Variants in TBCA observed in about 807,000 individuals in gnomAD.
TBCA encodes the protein tubulin-specific chaperone A.
A neutral mutation model predicts 15.8 loss-of-function variants in TBCA; 6 were observed. The observed-to-expected ratio is 0.38, with a 90% CI of 0.21 to 0.75. The LOEUF (loss-of-function observed/expected upper bound fraction) is 0.75. Ranked by LOEUF, TBCA falls within the 30% of genes least tolerant of loss-of-function variation. TBCA has a pLI of 0.46. For synonymous variants in TBCA, 32 were observed against 42.3 expected, an observed-to-expected ratio of 0.76 and a Z score of 0.94; for missense variants, 90 against 131.2, an observed-to-expected ratio of 0.69 and a Z score of 1.53.
At chr5:77,714,345 C>T (rs1319617033) in intron 1 of TBCA, among the ~76,000 whole-genome samples, 2 of 151,678 alleles carry the variant, frequency 1.3e-5, no homozygotes, top group Non-Finnish European at 2.9e-5. Context: ...AAAAGAATTT[C>T]CAGAGCTCCA....
intron 3 of TBCA, chr5:77,692,603 C>G (rs1381447774): frequency 2.0e-6 from 2 of 985,244 alleles, no homozygotes; most frequent in African/African-American, 1.7e-5. Flanking sequence ...TATTTTTTTC[C>G]AAGCAATTTC....
At chr5:77,772,053 G>C (rs1319468141) in intron 1 of TBCA, among the ~76,000 whole-genome samples, 1 of 151,072 alleles carries the variant, frequency 6.6e-6, no homozygotes, top group East Asian at 1.9e-4. Flanking sequence ...ATTTAAAATA[G>C]TGTCGAGGAT....
At position 77,708,334 on chromosome 5, in the gene TBCA, T is replaced by G; in HGVS notation, c.67A>C (p.Lys23Gln). The part of the protein sequence containing the change: ...TGVVKRLVKE[K>Q]VMYEKEAKQQ... ...TTTGCCTCTTTTTCATACATCACTT[T>G]TTCTTTGACCAACCTATAAAAAAGC... is the stretch of plus-strand genomic sequence containing the variant. Residue 23 changes from lysine (K) to glutamine (Q), a missense_variant, in exon 2 of 4, where the codon AAA becomes CAA. By Grantham distance (53) the Lys-to-Gln change is moderately conservative (BLOSUM62 1). Transcript: ENST00000380377. 1.2e-6 allele frequency: 2 copies of G among 1,609,728 alleles called. No homozygotes were observed. Among genetic ancestry groups the G allele is most frequent in the Non-Finnish European group, 1.7e-6 (2 of 1,177,518 alleles).
intron 1 of TBCA, among the ~76,000 whole-genome samples, chr5:77,743,932 A>T (rs1194293448): frequency 6.6e-6 from 1 of 152,224 alleles, no homozygotes; most frequent in African/African-American, 2.4e-5. Flanking sequence ...TGGAAGATCC[A>T]AAGAGGCAAT....
chr5:77,705,716 T>C (rs1746135069), intron 2 of TBCA: 1 of 395,102 alleles, frequency 2.5e-6, no homozygotes, highest in East Asian at 3.6e-5. Flanking sequence ...TAGTCCCAGC[T>C]ACTCTGGAGG....
At chr5:77,726,263 T>C (rs1040719719) in intron 1 of TBCA, among the ~76,000 whole-genome samples, 2 of 152,232 alleles carry the variant, frequency 1.3e-5, no homozygotes, top group South Asian at 2.1e-4. Flanking sequence ...ACACTGTGAC[T>C]GCAGGTCTTG....
chr5:77,771,681 C>A (rs1449967868), intron 1 of TBCA, among the ~76,000 whole-genome samples: 2 of 152,184 alleles, frequency 1.3e-5, no homozygotes, highest in Non-Finnish European at 2.9e-5. Context: ...ATCTCCTACA[C>A]GCCAAATACC....
chr5:77,720,679 A>C (rs1399991060), intron 1 of TBCA, among the ~76,000 whole-genome samples: 1 of 152,152 alleles, frequency 6.6e-6, no homozygotes, highest in East Asian at 1.9e-4. Context: ...ACATCGCTGC[A>C]CTCCAGCCTG....
At chr5:77,752,471 C>G (rs1224378763) in intron 1 of TBCA, among the ~76,000 whole-genome samples, 8 of 152,160 alleles carry the variant, frequency 5.3e-5, no homozygotes, top group African/African-American at 1.9e-4. Context: ...TCAAATGATC[C>G]TACTGCCTCA....
rs1458719340 is a variant in TBCA, at chr5:77,711,429, C to A, written c.54-3082G>T. The stretch of plus-strand genomic sequence containing the variant: ...TCAGCATTAACACACTACACCGAAG[C>A]CATTTACTTGCTAGGTCTTAAGTTC... On this transcript the variant is annotated intron_variant, in intron 1 of 3. Transcript: ENST00000380377. 5.3e-5 allele frequency among the ~76,000 whole-genome samples: 8 copies of A among 152,196 alleles called. No homozygotes were observed. The South Asian group carries it at 1.2e-3, about 24-fold the overall frequency.
chr5:77,698,313 AATG>A (rs1312483752), intron 2 of TBCA, among the ~76,000 whole-genome samples: 1 of 152,104 alleles, frequency 6.6e-6, no homozygotes, highest in Non-Finnish European at 1.5e-5. Context: ...AAATAATATA[AATG>A]ATGTTATAAT....
At chr5:77,750,752 CT>C (rs11300010) in intron 1 of TBCA, among the ~76,000 whole-genome samples, 94,061 of 151,976 alleles carry the variant, frequency 0.62, 29,147 homozygotes, top group African/African-American at 0.64. Flanking sequence ...GTGAAACAGA[CT>C]TCAGGAGGTC....
Position 77,716,862 on chromosome 5 carries a change from A to G in TBCA, c.54-8515T>C, listed in dbSNP as rs182943093. 3.3e-5 allele frequency among the ~76,000 whole-genome samples: 5 copies of G among 152,344 alleles called. No homozygotes were observed. In the East Asian group the frequency reaches 9.6e-4, roughly 29 times the overall value. ...GATCAGCCAAGAAGTCATGCCCTTC[A>G]AAGGAAGAAACCAATCACAATGATT... On this transcript the variant is annotated intron_variant, in intron 1 of 3. Coordinates refer to ENST00000380377, the MANE Select transcript of TBCA (RefSeq NM_004607.3).
rs552452528 is a variant in TBCA, at chr5:77,748,811, T to C, written c.53+27394A>G. Among the ~76,000 whole-genome samples the C allele has an allele frequency of 8.5e-5, 13 of 152,342 alleles. No individual in the cohort carries two copies. In the East Asian group the frequency reaches 2.5e-3, roughly 29 times the overall value. On this transcript the variant is annotated intron_variant, in intron 1 of 3. Coordinates refer to ENST00000380377, the MANE Select transcript of TBCA (RefSeq NM_004607.3). ...ATAAAGTCAATTAACACATATTTTG[T>C]ACGTTATATGTATTACATGCTGTAT...
At chr5:77,746,417 T>C (rs1214673109) in intron 1 of TBCA, among the ~76,000 whole-genome samples, 1 of 152,206 alleles carries the variant, frequency 6.6e-6, no homozygotes, top group East Asian at 1.9e-4. Flanking sequence ...ATTTTAACTA[T>C]ATAGAAAGTA....
At chr5:77,697,945 C>T (rs918042843) in intron 2 of TBCA, among the ~76,000 whole-genome samples, 2 of 147,584 alleles carry the variant, frequency 1.4e-5, no homozygotes, top group African/African-American at 4.9e-5. Flanking sequence ...GCCTGGGCAA[C>T]AGGCAAGACC....
intron 1 of TBCA, among the ~76,000 whole-genome samples, chr5:77,746,881 T>A (rs925754842): frequency 1.3e-5 from 2 of 152,152 alleles, no homozygotes; most frequent in African/African-American, 4.8e-5. Context: ...TCATGCAGTT[T>A]CTTCGAAATA....
At chr5:77,691,769 T>A (rs747635972) in intron 3 of TBCA, 13 of 1,073,976 alleles carry the variant, frequency 1.2e-5, no homozygotes, top group Non-Finnish European at 1.5e-5. Flanking sequence ...CCAGCATTAA[T>A]TAAATAAAAA....
At chr5:77,729,743 C>T (rs1746719943) in intron 1 of TBCA, among the ~76,000 whole-genome samples, 1 of 152,168 alleles carries the variant, frequency 6.6e-6, no homozygotes, top group South Asian at 2.1e-4. Context: ...GCAAAGCAAA[C>T]ATTTACGCTG....
Sources: gnomAD v4.1 joint callset for allele counts (sites outside exome capture counted in the v4.1 genomes callset) on GRCh38, gnomAD v4.1.1 for gene constraint, MANE v1.5 for transcripts, NCBI Gene and HGNC (gene_info 2026-07-23, HGNC 2026-07-21) for gene names.